PHLDB2: variants seen among roughly 807,000 people sequenced by gnomAD.
PHLDB2 encodes the protein pleckstrin homology-like domain family B member 2.
PHLDB2 carries 71 observed loss-of-function variants against 123.6 expected under a neutral mutation model. That is an observed-to-expected ratio of 0.57 (90% CI 0.47 to 0.70). The LOEUF is 0.70. Among genes scored for constraint, PHLDB2 ranks in the 30% least tolerant of loss-of-function variants. The pLI is 0.00. For synonymous variants in PHLDB2, 547 were observed against 541.6 expected (o/e 1.01, Z -0.14); for missense variants, 1,446 against 1,519.5 (o/e 0.95, Z 0.80).
chr3:111,747,008 A>G (rs895853630), intron 1 of PHLDB2, among the ~76,000 whole-genome samples: 1 of 152,210 alleles, frequency 6.6e-6, no homozygotes, highest in Non-Finnish European at 1.5e-5. Context: ...CAGCCAAACT[A>G]TAAATCAAGA....
rs963709609 is a variant in PHLDB2, at chr3:111,859,409, G to A, written c.-182G>A. 9.1e-6 allele frequency: 9 copies of A among 985,552 alleles called. No individual in the cohort carries two copies. In the African/African-American group the frequency reaches 1.4e-4, roughly 15 times the overall value. The allele number at this position is 985,552 out of a possible 1,614,324, so 61.1% of individuals were successfully genotyped here. On this transcript the variant is annotated 5_prime_UTR_variant, in exon 1 of 18. Transcript: ENST00000431670. ...CCAACTTCGTTGCTCGAACTCCCTG[G>A]GTGCCCGCCGCGGTGGTTACAAAGG...
rs115493965 is a variant in PHLDB2 at position 111,974,809 on chromosome 3, G to A, written c.*246G>A. ...AAAGAAAACACTATTTTGATAAATT[G>A]GATCACTTATAGGAACATTTCTAAT... On this transcript the variant is annotated 3_prime_UTR_variant, in exon 18 of 18. Transcript: ENST00000431670. 1,466 of 313,944 alleles carry A rather than the reference G, an allele frequency of 4.7e-3. 23 individuals are homozygous for A. Among genetic ancestry groups the A allele is most frequent in the African/African-American group, 0.029 (1,336 of 46,842 alleles). 19.4% of individuals were successfully genotyped at this position (313,944 alleles called of 1,614,324 possible).
At position 111,885,291 on chromosome 3, in the gene PHLDB2, C is replaced by G. The variant is rs575409620; in HGVS notation, c.1214C>G (p.Pro405Arg). The change falls in exon 2 of 18, where the codon CCC (proline) becomes CGC (arginine). Residue 405 changes from proline (P) to arginine (R), a missense_variant. Pro to Arg is a moderately radical substitution (Grantham distance 103). This residue lies in a region of PHLDB2 where 832 missense variants were observed against 831.9 expected (regional missense o/e 1.00). Coordinates refer to ENST00000431670, the MANE Select transcript of PHLDB2 (RefSeq NM_001134438.2). ...LESLRQASGT[P>R]QPALRERKSS... ...AGCCTCAGACAGGCCTCAGGAACCC[C>G]CCAGCCTGCCCTTCGGGAACGGAAA... 1 of 1,614,160 alleles carries G rather than the reference C, an allele frequency of 6.2e-7. No homozygotes were observed. The highest frequency in any genetic ancestry group is 1.1e-5 in the South Asian group (1 of 91,078).
intron 1 of PHLDB2, among the ~76,000 whole-genome samples, chr3:111,877,648 A>G (rs1213398014): frequency 2.0e-5 from 3 of 152,070 alleles, no homozygotes; most frequent in African/African-American, 4.8e-5. Context: ...GCCCATGCCT[A>G]TTTCCTGAAT....
chr3:111,893,193 G>T (rs2066605409), intron 2 of PHLDB2, among the ~76,000 whole-genome samples: 1 of 150,526 alleles, frequency 6.6e-6, no homozygotes, highest in African/African-American at 2.4e-5. Flanking sequence ...AATGGACAAT[G>T]TTAAGAGCAT....
At chr3:111,877,413 G>A (rs2065688027) in intron 1 of PHLDB2, among the ~76,000 whole-genome samples, 1 of 151,958 alleles carries the variant, frequency 6.6e-6, no homozygotes, top group Non-Finnish European at 1.5e-5. Context: ...CTTTTTGATA[G>A]GGTTGTTTTT....
chr3:111,945,246 A>C (rs2070220174), intron 8 of PHLDB2, 22 bp from the exon 9 acceptor site: 3 of 1,538,518 alleles, frequency 1.9e-6, no homozygotes, highest in Non-Finnish European at 2.7e-6. Flanking sequence ...TTTTAAGTTT[A>C]ATAGGTTTTG....
At chr3:111,954,076 GA>G in intron 12 of PHLDB2, 47 bp downstream of exon 12, 1 of 1,541,332 alleles carries the variant, frequency 6.5e-7, no homozygotes, top group Non-Finnish European at 8.9e-7. Flanking sequence ...TTAAGCATTA[GA>G]ATTCTTCAGG....
At chr3:111,852,582 C>T (rs2064305558) in intron 2 of PHLDB2, among the ~76,000 whole-genome samples, 2 of 151,864 alleles carry the variant, frequency 1.3e-5, no homozygotes, top group African/African-American at 4.8e-5. Context: ...TCTTCAGTAT[C>T]GAGGAATACT....
chr3:111,856,257 T>C (rs1290240613), upstream of PHLDB2, among the ~76,000 whole-genome samples: 2 of 152,204 alleles, frequency 1.3e-5, no homozygotes, highest in African/African-American at 4.8e-5. Flanking sequence ...TCTAGTAATT[T>C]GGAATTATTC....
chr3:111,905,374 TTTGAGAC>T (rs2067451333), intron 2 of PHLDB2, among the ~76,000 whole-genome samples: 2 of 152,198 alleles, frequency 1.3e-5, no homozygotes, highest in Non-Finnish European at 2.9e-5. Context: ...TATTTATTTA[TTTGAGAC>T]AGTGTCTCAT....
chr3:111,759,335 C>A (rs2108004129), intron 1 of PHLDB2, among the ~76,000 whole-genome samples: 1 of 152,276 alleles, frequency 6.6e-6, no homozygotes, highest in East Asian at 1.9e-4. Flanking sequence ...GGTGGAAGGA[C>A]AAACTAGCTC....
intron 1 of PHLDB2, among the ~76,000 whole-genome samples, chr3:111,769,605 A>G (rs1415774551): frequency 6.6e-6 from 1 of 152,236 alleles, no homozygotes; most frequent in African/African-American, 2.4e-5. Flanking sequence ...GGTTCAACCT[A>G]AGGGAAGAGT....
rs909520991 is a variant in PHLDB2, at chr3:111,949,835, C to T, written c.2631+760C>T. On this transcript the variant is annotated intron_variant, in intron 10 of 17. Transcript: ENST00000431670. Reference sequence around the variant, plus strand: ...GATCCTTTACCTTTAAATGACACACCTCCTCCTTTACCAGCTAAGAAACAC... The same window carrying T: ...GATCCTTTACCTTTAAATGACACACTTCCTCCTTTACCAGCTAAGAAACAC... The T allele has an allele frequency of 2.5e-5, 25 of 985,920 alleles. No individual in the cohort carries two copies. The African/African-American group carries it at 3.7e-4, about 14-fold the overall frequency. The allele number at this position is 985,920 out of a possible 1,614,324, so 61.1% of individuals were successfully genotyped here. A position where few individuals can be genotyped will look rare whatever the true frequency, so the allele number is the denominator to read the frequency against.
chr3:111,905,162 A>C (rs1386550827), intron 2 of PHLDB2, among the ~76,000 whole-genome samples: 1 of 152,140 alleles, frequency 6.6e-6, no homozygotes, highest in African/African-American at 2.4e-5. Context: ...ATTAAAATAC[A>C]GGTGGGGATT....
At chr3:111,840,234 A>T (rs1185930101) in intron 1 of PHLDB2, among the ~76,000 whole-genome samples, 2 of 151,998 alleles carry the variant, frequency 1.3e-5, no homozygotes, top group Non-Finnish European at 2.9e-5. Flanking sequence ...CCTGGGTGAC[A>T]GTGAGACCCT....
intron 1 of PHLDB2, among the ~76,000 whole-genome samples, chr3:111,794,351 T>C (rs958460810): frequency 2.6e-5 from 4 of 152,198 alleles, no homozygotes; most frequent in Non-Finnish European, 1.5e-5. Flanking sequence ...CTCTGGGCCA[T>C]GTGGCTGCCG....
chr3:111,962,368 A>G (rs2071455627), intron 13 of PHLDB2, 56 bp downstream of exon 13: 1 of 1,530,426 alleles, frequency 6.5e-7, no homozygotes. Context: ...ACTGCTCACA[A>G]AAAGTAAAGC....
intron 1 of PHLDB2, among the ~76,000 whole-genome samples, chr3:111,755,029 G>A (rs2059858390): frequency 6.6e-6 from 1 of 152,034 alleles, no homozygotes; most frequent in Non-Finnish European, 1.5e-5. Flanking sequence ...TAAGCTTTTT[G>A]ATGTGCTGCT....
Sources: gnomAD v4.1 joint callset for allele counts (sites outside exome capture counted in the v4.1 genomes callset) on GRCh38, gnomAD v4.1.1 for gene constraint, gnomAD v4.1.1 regional missense constraint, MANE v1.5 for transcripts, NCBI Gene and HGNC (gene_info 2026-07-23, HGNC 2026-07-21) for gene names.